POLA1: variants seen among roughly 807,000 people sequenced by gnomAD.
POLA1 encodes DNA polymerase alpha 1, catalytic subunit, also known as DNA polymerase alpha catalytic subunit.
Under a neutral mutation model 124.0 loss-of-function variants are expected in POLA1, and 15 were observed. The observed-to-expected ratio is 0.12, with a 90% CI of 0.08 to 0.19. POLA1 has a LOEUF of 0.19. Among genes scored for constraint, POLA1 ranks in the 10% least tolerant of loss-of-function variants. POLA1 has a pLI of 1.00. For missense variants in POLA1, 886 were observed against 1,103.4 expected, an observed-to-expected ratio of 0.80 and a Z score of 2.79; for synonymous variants, 408 against 389.4, an observed-to-expected ratio of 1.05 and a Z score of -0.56.
chrX:24,835,304 G>T (rs187039468), intron 32 of POLA1, among the ~76,000 whole-genome samples: 148 of 110,490 alleles, frequency 1.3e-3, no homozygotes, highest in African/African-American at 4.6e-3. Flanking sequence ...CTCCTGCCTT[G>T]ACCTCCCAGA....
At chrX:24,758,905 C>T (rs1035825747) in intron 26 of POLA1, among the ~76,000 whole-genome samples, 3 of 111,362 alleles carry the variant, frequency 2.7e-5, no homozygotes, top group South Asian at 7.7e-4. Context: ...TGGTCTCGAT[C>T]TCCTTGGCCT....
At chrX:24,785,797 C>A (rs777674071) in intron 26 of POLA1, among the ~76,000 whole-genome samples, 4 of 111,922 alleles carry the variant, frequency 3.6e-5, no homozygotes, top group Admixed American at 1.9e-4. Flanking sequence ...CTGTACCATA[C>A]ATACCCAGAA....
In POLA1 at chrX:24,714,584, AGAG is replaced by A; in HGVS notation, c.380_382del (p.Arg127del). The A allele has an allele frequency of 8.4e-7, 1 of 1,195,264 alleles. No homozygotes were observed. On this transcript the variant is annotated inframe_deletion, in exon 5 of 37. Coordinates refer to ENST00000379068, the MANE Select transcript of POLA1 (RefSeq NM_001330360.2). ...GATGGTAAAGCACGCAATAAAGACA[AGAG>A]GAATGTAAAGAAGCTCGCAGTGACA...
chrX:24,694,757 C>T (rs1362690333), intron 1 of POLA1, among the ~76,000 whole-genome samples: 1 of 112,443 alleles, frequency 8.9e-6, no homozygotes, highest in Non-Finnish European at 1.9e-5. Flanking sequence ...CTTCAGTTAA[C>T]TTCTAACTTA....
intron 2 of POLA1, among the ~76,000 whole-genome samples, chrX:24,700,271 G>C (rs1272346814): frequency 9.1e-6 from 1 of 110,420 alleles, no homozygotes; most frequent in Non-Finnish European, 1.9e-5. Flanking sequence ...ATAACCAAAT[G>C]AAATTAGATA....
intron 35 of POLA1, among the ~76,000 whole-genome samples, chrX:24,902,137 G>A (rs774694776): frequency 3.6e-5 from 4 of 111,831 alleles, no homozygotes; most frequent in Admixed American, 1.9e-4. Flanking sequence ...TTGAAGGGGT[G>A]GTGGGAAGTA....
At chrX:24,905,156 T>C (rs2047345744) in intron 35 of POLA1, among the ~76,000 whole-genome samples, 1 of 109,224 alleles carries the variant, frequency 9.2e-6, no homozygotes, top group African/African-American at 3.4e-5. Flanking sequence ...GACTACCTAG[T>C]AGTGCACAGA....
chrX:24,796,505 AC>A lies in POLA1; in HGVS notation c.2965-13392del, dbSNP rs749534418. On this transcript the variant is annotated intron_variant, in intron 26 of 36. Transcript: ENST00000379068. ...TGATAGCTCAAAGGGAACAGAAGGT[AC>A]TAGAGGAGGAATGAGGAATCAGGAG... Among the ~76,000 whole-genome samples the A allele has an allele frequency of 3.6e-5, 4 of 110,463 alleles. No individual in the cohort carries two copies. The South Asian group carries it at 1.6e-3, about 44-fold the overall frequency.
chrX:24,717,851 C>A, intron 10 of POLA1, 93 bp downstream of exon 10: 3 of 587,717 alleles, frequency 5.1e-6, no homozygotes, highest in East Asian at 3.8e-5. Flanking sequence ...TGTGTTTTGT[C>A]TTTTTATTTA....
At chrX:24,861,216 T>G (rs933803748) in intron 34 of POLA1, among the ~76,000 whole-genome samples, 1 of 112,353 alleles carries the variant, frequency 8.9e-6, no homozygotes, top group Admixed American at 9.4e-5. Context: ...CACTGTAACT[T>G]CTGCCTCCCC....
At chrX:24,694,109 ACCTTGGTCGTCC>A in intron 1 of POLA1, 105 bp downstream of exon 1, 1 of 814,573 alleles carries the variant, frequency 1.2e-6, no homozygotes. Context: ...TTGGGCGCAG[ACCTTGGTCGTCC>A]CCGGCGGGGG....
At chrX:24,803,146 G>A (rs1370997398) in intron 26 of POLA1, among the ~76,000 whole-genome samples, 2 of 111,889 alleles carry the variant, frequency 1.8e-5, no homozygotes, top group Non-Finnish European at 3.8e-5. Flanking sequence ...ATGCTTATGG[G>A]ACCAACAGTT....
chrX:24,871,088 A>G (rs1268820381), intron 34 of POLA1, among the ~76,000 whole-genome samples: 2 of 111,886 alleles, frequency 1.8e-5, no homozygotes, highest in African/African-American at 3.2e-5. Flanking sequence ...AATGATTGAT[A>G]CATATATATA....
At chrX:24,875,834 C>T (rs1449992250) in intron 34 of POLA1, among the ~76,000 whole-genome samples, 4 of 111,832 alleles carry the variant, frequency 3.6e-5, no homozygotes, top group African/African-American at 9.8e-5. Flanking sequence ...CTCGAGATCT[C>T]GGCAGTATAA....
chrX:24,751,908 G>C (rs773079040), intron 26 of POLA1, among the ~76,000 whole-genome samples: 1 of 111,862 alleles, frequency 8.9e-6, no homozygotes, highest in African/African-American at 3.2e-5. Context: ...GTAACCTGCA[G>C]ATCTTACAAA....
At chrX:24,779,507 C>T (rs1338736266) in intron 26 of POLA1, among the ~76,000 whole-genome samples, 2 of 112,179 alleles carry the variant, frequency 1.8e-5, no homozygotes, top group Non-Finnish European at 3.8e-5. Flanking sequence ...TGCTTTTATA[C>T]TTGTACAATA....
At chrX:24,989,343 C>T (rs1312685772) in intron 36 of POLA1, among the ~76,000 whole-genome samples, 2 of 111,643 alleles carry the variant, frequency 1.8e-5, no homozygotes, top group Non-Finnish European at 1.9e-5. Context: ...CTGTCCCAAC[C>T]CCCTAACCCC....
chrX:24,732,261 T>C, intron 15 of POLA1, 109 bp from the exon 16 acceptor site: 1 of 544,744 alleles, frequency 1.8e-6, no homozygotes, highest in East Asian at 3.6e-5. Flanking sequence ...GGCCAAACTT[T>C]TCATATGTGT....
intron 2 of POLA1, among the ~76,000 whole-genome samples, chrX:24,702,135 A>C (rs1243305264): frequency 4.2e-5 from 4 of 95,729 alleles, no homozygotes; most frequent in Non-Finnish European, 8.3e-5. Context: ...ATCTCGGCTC[A>C]CTGCATCACT....
Sources: gnomAD v4.1 joint callset for allele counts (sites outside exome capture counted in the v4.1 genomes callset) on GRCh38, gnomAD v4.1.1 for gene constraint, MANE v1.5 for transcripts, NCBI Gene and HGNC (gene_info 2026-07-23, HGNC 2026-07-21) for gene names.